MACROD2: variants seen among roughly 807,000 people sequenced by gnomAD.
MACROD2 encodes the protein ADP-ribose glycohydrolase MACROD2.
A neutral mutation model predicts 70.4 loss-of-function variants in MACROD2; 36 were observed. That is an observed-to-expected ratio of 0.51 (90% CI 0.39 to 0.68). MACROD2 has a LOEUF of 0.68. MACROD2 is among the 30% of genes least tolerant of loss of function. The probability of loss-of-function intolerance (pLI) is 0.00; values close to 1 mark genes in which losing one functional copy is unlikely to be tolerated. For missense variants in MACROD2, 496 were observed against 538.4 expected (o/e 0.92, Z 0.78); for synonymous variants, 172 against 178.8 (o/e 0.96, Z 0.30).
chr20:15,600,295 G>A (rs2146686487), intron 8 of MACROD2, among the ~76,000 whole-genome samples: 1 of 151,916 alleles, frequency 6.6e-6, no homozygotes, highest in Non-Finnish European at 1.5e-5. Context: ...CAAGTTCCTG[G>A]CAGCCTGTCT....
At chr20:15,266,944 G>T (rs12481253) in intron 6 of MACROD2, among the ~76,000 whole-genome samples, 1 of 152,228 alleles carries the variant, frequency 6.6e-6, no homozygotes, top group South Asian at 2.1e-4. Flanking sequence ...GGCATGAGAA[G>T]GCATTTAGAG....
At chr20:14,186,286 T>G (rs1327064687) in intron 3 of MACROD2, among the ~76,000 whole-genome samples, 1 of 152,148 alleles carries the variant, frequency 6.6e-6, no homozygotes, top group Non-Finnish European at 1.5e-5. Flanking sequence ...TGCCATTTAC[T>G]TGGTGGTTAA....
intron 4 of MACROD2, among the ~76,000 whole-genome samples, chr20:14,507,145 A>G (rs1056059838): frequency 2.0e-5 from 3 of 152,128 alleles, no homozygotes; most frequent in African/African-American, 7.2e-5. Context: ...TTATTATTTA[A>G]TGGGTACAGG....
intron 3 of MACROD2, among the ~76,000 whole-genome samples, chr20:14,169,648 A>G (rs376660982): frequency 1.8e-4 from 28 of 152,246 alleles, no homozygotes; most frequent in African/African-American, 6.3e-4. Context: ...AGCGTTGGCC[A>G]TATACATAAA....
intron 10 of MACROD2, 132 bp downstream of exon 10, chr20:15,885,943 T>C (rs1266161562): frequency 1.9e-6 from 2 of 1,061,098 alleles, no homozygotes; most frequent in Non-Finnish European, 2.5e-6. Flanking sequence ...TGTTATAAAA[T>C]TAAAAAGTAG....
chr20:14,457,147 C>CT (rs2123003883), intron 3 of MACROD2, among the ~76,000 whole-genome samples: 1 of 152,100 alleles, frequency 6.6e-6, no homozygotes, highest in South Asian at 2.1e-4. Flanking sequence ...ACATCAGGGG[C>CT]TTTTTTCTTC....
intron 6 of MACROD2, among the ~76,000 whole-genome samples, chr20:15,236,349 G>A (rs938585031): frequency 8.5e-5 from 13 of 152,112 alleles, no homozygotes; most frequent in Admixed American, 2.6e-4. Flanking sequence ...GCTGTGCCTT[G>A]GAAACAGATA....
chr20:15,750,057 A>C (rs572281144), intron 8 of MACROD2, among the ~76,000 whole-genome samples: 11 of 152,126 alleles, frequency 7.2e-5, no homozygotes, highest in Non-Finnish European at 1.6e-4. Context: ...CAGAGTAAAG[A>C]GACAACCTAC....
chr20:14,957,652 G>A (rs1295687552), intron 5 of MACROD2, among the ~76,000 whole-genome samples: 1 of 152,182 alleles, frequency 6.6e-6, no homozygotes, highest in Non-Finnish European at 1.5e-5. Flanking sequence ...TCTGACCCAG[G>A]CTGGAAATAG....
intron 2 of MACROD2, among the ~76,000 whole-genome samples, chr20:14,082,973 A>G (rs1203361907): frequency 2.6e-5 from 4 of 152,166 alleles, no homozygotes; most frequent in African/African-American, 9.7e-5. Flanking sequence ...ATTTGATAAC[A>G]GCACAAACAA....
At chr20:14,423,396 G>C (rs905877413) in intron 3 of MACROD2, among the ~76,000 whole-genome samples, 2 of 151,574 alleles carry the variant, frequency 1.3e-5, no homozygotes, top group Admixed American at 1.3e-4. Context: ...GCAGGCGGTG[G>C]GGGTGTTTAA....
Position 14,395,331 on chromosome 20 carries a change from T to A in MACROD2, c.272-98148T>A, listed in dbSNP as rs145504995. 9.2e-5 allele frequency among the ~76,000 whole-genome samples: 14 copies of A among 152,174 alleles called. No individual in the cohort carries two copies. In the East Asian group the frequency reaches 2.7e-3, roughly 29 times the overall value. On this transcript the variant is annotated intron_variant, in intron 3 of 17. Transcript: ENST00000684519. ...TTTGAGCAAGGTTTGGTAGTTCAAG[T>A]TTTTTAACTAATTTGTCCAGTTCAT... is the stretch of plus-strand genomic sequence containing the variant.
At chr20:14,323,053 G>A (rs979760848) in intron 3 of MACROD2, 1 of 152,122 alleles carries the variant, frequency 6.6e-6, no homozygotes, top group Non-Finnish European at 1.5e-5. Flanking sequence ...GTCTTAACAA[G>A]TTTTGCCCCA....
rs568528459 is a variant in MACROD2, at chr20:14,447,353, A to G, written c.272-46126A>G. On this transcript the variant is annotated intron_variant, in intron 3 of 17. Coordinates refer to ENST00000684519, the MANE Select transcript of MACROD2 (RefSeq NM_001351661.2). ...TTCAAAGGAAATGTTCAACTAATGG[A>G]TTTCATCCCCCAACAAGTGTATTCA... Among the ~76,000 whole-genome samples the G allele has an allele frequency of 6.6e-5, 10 of 152,212 alleles. No individual in the cohort carries two copies. In the East Asian group the frequency reaches 1.9e-3, roughly 29 times the overall value.
chr20:15,225,971 G>C, intron 5 of MACROD2, among the ~76,000 whole-genome samples: 1 of 152,208 alleles, frequency 6.6e-6, no homozygotes, highest in East Asian at 1.9e-4. Context: ...TCTGGAGATA[G>C]TGCCAATTTG....
chr20:14,720,343 C>T (rs2071449786), intron 5 of MACROD2, among the ~76,000 whole-genome samples: 1 of 152,006 alleles, frequency 6.6e-6, no homozygotes, highest in African/African-American at 2.4e-5. Context: ...TGTATTTCCT[C>T]TTCTGAAGTC....
At chr20:14,420,918 C>T (rs1373504838) in intron 3 of MACROD2, among the ~76,000 whole-genome samples, 1 of 152,112 alleles carries the variant, frequency 6.6e-6, no homozygotes, top group Non-Finnish European at 1.5e-5. Flanking sequence ...GTCTCGAGCT[C>T]CTGGGCTCAA....
chr20:15,056,455 C>T (rs1412447218), intron 5 of MACROD2, among the ~76,000 whole-genome samples: 1 of 152,150 alleles, frequency 6.6e-6, no homozygotes, highest in Non-Finnish European at 1.5e-5. Context: ...CCCTCCCTTG[C>T]AGCTGACCAT....
At chr20:15,573,475 T>G (rs2048402773) in intron 8 of MACROD2, among the ~76,000 whole-genome samples, 2 of 152,104 alleles carry the variant, frequency 1.3e-5, no homozygotes, top group African/African-American at 4.8e-5. Flanking sequence ...TTTCCTTTCC[T>G]TAGTTCTCTA....
Sources: gnomAD v4.1 joint callset for allele counts (sites outside exome capture counted in the v4.1 genomes callset) on GRCh38, gnomAD v4.1.1 for gene constraint, MANE v1.5 for transcripts, NCBI Gene and HGNC (gene_info 2026-07-23, HGNC 2026-07-21) for gene names.